Variants in TMEM163 observed in about 807,000 individuals in gnomAD.
TMEM163 encodes the protein transmembrane protein 163.
In TMEM163, 17 loss-of-function variants were observed where a neutral mutation model predicts 29.3. The ratio of observed to expected loss-of-function variants is 0.58; its 90% CI spans 0.40 to 0.87. The LOEUF is 0.87. TMEM163 is among the 40% of genes least tolerant of loss of function. The probability of loss-of-function intolerance (pLI) is 0.00; values close to 1 mark genes in which losing one functional copy is unlikely to be tolerated. For missense variants in TMEM163, 303 were observed against 381.5 expected, an observed-to-expected ratio of 0.79 and a Z score of 1.71; for synonymous variants, 157 against 160.6, an observed-to-expected ratio of 0.98 and a Z score of 0.17.
intron 5 of TMEM163, among the ~76,000 whole-genome samples, chr2:134,498,900 C>G (rs1199517114): frequency 6.6e-6 from 1 of 152,182 alleles, no homozygotes; most frequent in African/African-American, 2.4e-5. Context: ...GTGCCAGGGC[C>G]AAGATAGTCC....
chr2:134,500,205 T>C (rs1679668342), intron 5 of TMEM163, among the ~76,000 whole-genome samples: 2 of 152,236 alleles, frequency 1.3e-5, no homozygotes, highest in East Asian at 3.8e-4. Context: ...CTACCAGCAT[T>C]TGAGTTTGAC....
At chr2:134,633,702 C>T (rs1432487612) in intron 2 of TMEM163, among the ~76,000 whole-genome samples, 1 of 152,060 alleles carries the variant, frequency 6.6e-6, no homozygotes, top group Non-Finnish European at 1.5e-5. Context: ...TGGCTCACAC[C>T]TGTAATCCCA....
intron 2 of TMEM163, among the ~76,000 whole-genome samples, chr2:134,691,769 T>C (rs1167469021): frequency 6.6e-6 from 1 of 152,194 alleles, no homozygotes; most frequent in East Asian, 1.9e-4. Context: ...CCAACTCCAA[T>C]GAACAGTCTC....
intron 2 of TMEM163, among the ~76,000 whole-genome samples, chr2:134,670,941 C>T (rs1026899647): frequency 6.6e-6 from 1 of 152,216 alleles, no homozygotes; most frequent in Non-Finnish European, 1.5e-5. Flanking sequence ...AGCACTGCCC[C>T]GTTCTTCCTA....
intron 2 of TMEM163, among the ~76,000 whole-genome samples, chr2:134,638,225 G>A (rs1056711164): frequency 6.6e-6 from 1 of 152,056 alleles, no homozygotes; most frequent in African/African-American, 2.4e-5. Flanking sequence ...TTACTCTACC[G>A]TAATTTATTT....
At chr2:134,538,980 G>A (rs1680602123) in intron 4 of TMEM163, among the ~76,000 whole-genome samples, 2 of 152,140 alleles carry the variant, frequency 1.3e-5, no homozygotes, top group African/African-American at 2.4e-5. Flanking sequence ...GTGACAGTAT[G>A]CTATGTGATT....
intron 4 of TMEM163, among the ~76,000 whole-genome samples, chr2:134,541,737 A>G (rs1319120067): frequency 6.6e-6 from 1 of 152,014 alleles, no homozygotes; most frequent in African/African-American, 2.4e-5. Flanking sequence ...TCTGTTTTAA[A>G]AAAGCTAAAT....
intron 2 of TMEM163, among the ~76,000 whole-genome samples, chr2:134,711,735 A>G (rs1432695142): frequency 2.0e-5 from 3 of 152,186 alleles, no homozygotes; most frequent in Admixed American, 6.5e-5. Context: ...GTAACATCCA[A>G]TGTAATATTA....
chr2:134,625,155 T>C (rs1263204384), intron 2 of TMEM163, among the ~76,000 whole-genome samples: 13 of 152,154 alleles, frequency 8.5e-5, no homozygotes, highest in Admixed American at 6.5e-4. Flanking sequence ...AGAGAGAATG[T>C]ACATACTGCA....
intron 2 of TMEM163, among the ~76,000 whole-genome samples, chr2:134,635,444 T>A (rs552735616): frequency 5.3e-5 from 8 of 152,198 alleles, no homozygotes; most frequent in Non-Finnish European, 8.8e-5. Flanking sequence ...CAATCATCAG[T>A]TGAGTTACCA....
intron 4 of TMEM163, among the ~76,000 whole-genome samples, chr2:134,525,924 G>T (rs996907963): frequency 1.3e-5 from 2 of 152,234 alleles, no homozygotes; most frequent in African/African-American, 4.8e-5. Flanking sequence ...AAGGAGAACG[G>T]TTTGCAAATA....
chr2:134,637,266 T>C (rs1325579092), intron 2 of TMEM163, among the ~76,000 whole-genome samples: 1 of 152,168 alleles, frequency 6.6e-6, no homozygotes, highest in African/African-American at 2.4e-5. Context: ...AGACTCCAGT[T>C]CCCTCCCATA....
intron 2 of TMEM163, among the ~76,000 whole-genome samples, chr2:134,709,362 T>C (rs575789582): frequency 2.0e-5 from 3 of 152,322 alleles, no homozygotes; most frequent in East Asian, 1.9e-4. Flanking sequence ...TTATCAAAAA[T>C]AGTTCACATT....
At chr2:134,571,347 T>A (rs531493577) in intron 2 of TMEM163, among the ~76,000 whole-genome samples, 1 of 152,336 alleles carries the variant, frequency 6.6e-6, no homozygotes, top group African/African-American at 2.4e-5. Flanking sequence ...AACAAGGCTA[T>A]GGTTTGACCA....
intron 2 of TMEM163, among the ~76,000 whole-genome samples, chr2:134,563,883 G>A (rs1437403933): frequency 6.6e-6 from 1 of 152,156 alleles, no homozygotes; most frequent in Non-Finnish European, 1.5e-5. Flanking sequence ...GAGAAACCCT[G>A]TATCTACTAA....
intron 3 of TMEM163, 139 bp from the exon 4 acceptor site, chr2:134,550,800 C>T (rs1410162829): frequency 1.3e-6 from 1 of 778,824 alleles, no homozygotes; most frequent in South Asian, 1.6e-5. Context: ...CATTACGACG[C>T]AGCCACTTAC....
At chr2:134,674,709 A>G (rs1014687974) in intron 2 of TMEM163, among the ~76,000 whole-genome samples, 4 of 151,402 alleles carry the variant, frequency 2.6e-5, no homozygotes, top group South Asian at 2.1e-4. Flanking sequence ...AAAGAAGGCC[A>G]TGAAGAGAGG....
intron 2 of TMEM163, among the ~76,000 whole-genome samples, chr2:134,569,328 C>G (rs1681370455): frequency 6.6e-6 from 1 of 152,132 alleles, no homozygotes; most frequent in Non-Finnish European, 1.5e-5. Context: ...GTTCCTTAGA[C>G]CCTGTAGGTT....
chr2:134,485,111 G>A (rs982259708), intron 5 of TMEM163, among the ~76,000 whole-genome samples: 7 of 152,172 alleles, frequency 4.6e-5, no homozygotes, highest in East Asian at 3.8e-4. Flanking sequence ...GGTTATGTCC[G>A]GATAAACCCA....
Sources: allele counts gnomAD v4.1 joint callset (sites outside exome capture counted in the v4.1 genomes callset), GRCh38; gene constraint gnomAD v4.1.1; transcripts MANE v1.5; gene names NCBI Gene and HGNC (gene_info 2026-07-23, HGNC 2026-07-21).